PDCL3: variants seen among roughly 807,000 people sequenced by gnomAD.
PDCL3 encodes phosducin-like protein 3.
A neutral mutation model predicts 26.5 loss-of-function variants in PDCL3; 22 were observed. The observed-to-expected ratio is 0.83, with a 90% CI of 0.59 to 1.19. PDCL3 has a LOEUF of 1.19. PDCL3 is among the 50% of genes most tolerant of loss of function. PDCL3 has a pLI of 0.00. For missense variants in PDCL3, 246 were observed against 294.1 expected (o/e 0.84, Z 1.20); for synonymous variants, 81 against 104.9 (o/e 0.77, Z 1.39).
chr2:100,576,669 C>T lies in PDCL3; in HGVS notation c.*173C>T. On this transcript the variant is annotated 3_prime_UTR_variant, in exon 6 of 6. Transcript: ENST00000264254. ...GGAGATTCTGTTAAATATTTTGGAA[C>T]TCTTTTTTTTTTTAAATTATAGTAT... The T allele has an allele frequency of 1.5e-6, 1 of 645,828 alleles. No individual in the cohort carries two copies. Among genetic ancestry groups the T allele is most frequent in the Non-Finnish European group, 2.0e-6 (1 of 506,622 alleles). The allele number at this position is 645,828 out of a possible 1,614,324, so 40.0% of individuals were successfully genotyped here.
chr2:100,573,379 A>G (rs888052722), intron 5 of PDCL3, among the ~76,000 whole-genome samples: 1 of 152,022 alleles, frequency 6.6e-6, no homozygotes, highest in Non-Finnish European at 1.5e-5. Flanking sequence ...TACCACTAAG[A>G]TACTCATCTG....
intron 1 of PDCL3, 199 bp downstream of exon 1, chr2:100,563,272 C>A: frequency 1.8e-6 from 1 of 548,942 alleles, no homozygotes; most frequent in South Asian, 3.4e-5. Context: ...TGGGCGTCCC[C>A]GCCTCGGTGT....
rs1235192440 is a variant in PDCL3 at position 100,569,097 on chromosome 2, A to G, written c.224+76A>G. On this transcript the variant is annotated intron_variant, in intron 3 of 5. Coordinates refer to ENST00000264254, the MANE Select transcript of PDCL3 (RefSeq NM_024065.5). ...TTTTGGTTTTTTTTTTGGCGTGGCA[A>G]TAAAATGTGTGGGCTGAGCATGGTG... The G allele has an allele frequency of 3.8e-6, 5 of 1,311,628 alleles. No individual in the cohort carries two copies. The African/African-American group carries it at 6.0e-5, about 16-fold the overall frequency. 81.2% of individuals were successfully genotyped at this position (1,311,628 alleles called of 1,614,324 possible). A position where few individuals can be genotyped will look rare whatever the true frequency, so the allele number is the denominator to read the frequency against.
rs1324547752 is a variant in PDCL3 at position 100,566,605 on chromosome 2, C to T, written c.109C>T (p.Gln37Ter). 1 of 1,614,048 alleles carries T rather than the reference C, an allele frequency of 6.2e-7. No homozygotes were observed. Among genetic ancestry groups the T allele is most frequent in the South Asian group, 1.1e-5 (1 of 91,080 alleles). Residue 37 changes from glutamine to a stop codon, truncating the protein, a stop_gained, in exon 2 of 6, where the codon CAG (glutamine) becomes TAG (stop). Transcript: ENST00000264254. LOFTEE classifies it high-confidence loss of function. ...KELEEEAEEEQRILQQSVVKT... is the reference protein window; with the variant it reads ...KELEEEAEEE Reference sequence around the variant, plus strand: ...ATTGGAAGAGGAGGCAGAAGAGGAGCAGCGCATCCTCCAGCAGTCAGTGGG... The same window carrying T: ...ATTGGAAGAGGAGGCAGAAGAGGAGTAGCGCATCCTCCAGCAGTCAGTGGG...
chr2:100,563,093 G>A lies in PDCL3; in HGVS notation c.6+20G>A, dbSNP rs554875440. On this transcript the variant is annotated intron_variant, in intron 1 of 5. Coordinates refer to ENST00000264254, the MANE Select transcript of PDCL3 (RefSeq NM_024065.5). ...ATGCAGGTGAGCTAGGACGGGTCTC[G>A]GGTCTGGGGGCTGCGGCCCGTTCCT... 5 of 1,599,450 alleles carry A rather than the reference G, an allele frequency of 3.1e-6. No individual in the cohort carries two copies. In the South Asian group the frequency reaches 3.4e-5, roughly 11 times the overall value.
At chr2:100,573,792 C>A (rs1426363653) in intron 5 of PDCL3, among the ~76,000 whole-genome samples, 1 of 151,772 alleles carries the variant, frequency 6.6e-6, no homozygotes, top group African/African-American at 2.4e-5. Flanking sequence ...TACAGCATTT[C>A]AAACTAAATA....
At position 100,571,667 on chromosome 2, in the gene PDCL3, C is replaced by T. The variant is rs775722819; in HGVS notation, c.446C>T (p.Ala149Val). ...RKFPDVKFIK[A>V]ISTTCIPNYP... ...TTTCCTGATGTCAAATTTATCAAAG[C>T]CATTTCAACAACCTGCATACCCAAT... is the stretch of plus-strand genomic sequence containing the variant. The change falls in exon 5 of 6, where the codon GCC becomes GTC. Residue 149 changes from alanine (A) to valine (V), a missense_variant. Transcript: ENST00000264254. The T allele has an allele frequency of 4.3e-6, 7 of 1,613,338 alleles. No individual in the cohort carries two copies. In the Admixed American group the frequency reaches 1.2e-4, roughly 27 times the overall value.
chr2:100,569,307 A>C (rs1675121566), intron 3 of PDCL3, among the ~76,000 whole-genome samples: 1 of 152,160 alleles, frequency 6.6e-6, no homozygotes, highest in African/African-American at 2.4e-5. Context: ...CAGTGAGCTG[A>C]GACTGTGCCA....
chr2:100,563,198 C>A (rs1239408594), intron 1 of PDCL3, 125 bp downstream of exon 1: 4 of 1,243,300 alleles, frequency 3.2e-6, no homozygotes, highest in African/African-American at 1.6e-5. Context: ...GGAGGCCCGG[C>A]GCGTCCAGGC....
chr2:100,566,643 C>G lies in PDCL3; in HGVS notation c.133+14C>G, dbSNP rs376920680. The stretch of plus-strand genomic sequence containing the variant: ...AGCAGTCAGTGGGTGAGTTCACTCG[C>G]TTTCCTCTGCACCTGTCTGGGTTAG... On this transcript the variant is annotated intron_variant, in intron 2 of 5. Transcript: ENST00000264254. 7 of 1,613,322 alleles carry G rather than the reference C, an allele frequency of 4.3e-6. No individual in the cohort carries two copies. In the African/African-American group the frequency reaches 9.3e-5, roughly 22 times the overall value.
At chr2:100,571,887 G>A in intron 5 of PDCL3, 89 bp downstream of exon 5, 2 of 1,257,582 alleles carry the variant, frequency 1.6e-6, no homozygotes, top group South Asian at 2.5e-5. Context: ...CTCCTGTTAC[G>A]ATGGTGGGTC....
intron 2 of PDCL3, among the ~76,000 whole-genome samples, chr2:100,567,892 G>A (rs1675088544): frequency 6.7e-6 from 1 of 150,122 alleles, no homozygotes; most frequent in Admixed American, 6.7e-5. Flanking sequence ...GCGCAATCTT[G>A]GCTCACTGCA....
intron 1 of PDCL3, among the ~76,000 whole-genome samples, chr2:100,564,043 C>T (rs914662020): frequency 1.3e-5 from 2 of 151,614 alleles, no homozygotes; most frequent in African/African-American, 4.9e-5. Context: ...TCCGGAGTAG[C>T]TGGGACCACA....
chr2:100,567,884 G>C (rs184198664), intron 2 of PDCL3, among the ~76,000 whole-genome samples: 2 of 151,306 alleles, frequency 1.3e-5, no homozygotes, highest in East Asian at 3.9e-4. Context: ...CTGCAGTGGC[G>C]CAATCTTGGC....
chr2:100,575,086 G>C (rs907780710), intron 5 of PDCL3, among the ~76,000 whole-genome samples: 4 of 152,172 alleles, frequency 2.6e-5, no homozygotes, highest in Non-Finnish European at 5.9e-5. Flanking sequence ...GATGGAGTGA[G>C]AGCCTGTCTC....
chr2:100,569,018 A>G lies in PDCL3; in HGVS notation c.221A>G (p.Tyr74Cys), dbSNP rs1173784746. The change falls in exon 3 of 6, where the codon TAC (tyrosine) becomes TGC (cysteine). Residue 74 changes from tyrosine (Y) to cysteine (C), a missense_variant. Tyr to Cys is a radical substitution (Grantham distance 194). Coordinates refer to ENST00000264254, the MANE Select transcript of PDCL3 (RefSeq NM_024065.5). ...NEEDERAIEM[Y>C]RRRRLAEWKA... ...GAGGATGAACGTGCTATTGAAATGTACAGGTAAGCGCCACCCAGAGGGGCT... is the reference window on the plus strand; with the variant it reads ...GAGGATGAACGTGCTATTGAAATGTGCAGGTAAGCGCCACCCAGAGGGGCT... The G allele has an allele frequency of 2.5e-6, 4 of 1,613,578 alleles. No homozygotes were observed. In the African/African-American group the frequency reaches 4.0e-5, roughly 16 times the overall value.
chr2:100,573,171 C>G (rs971251288), intron 5 of PDCL3, among the ~76,000 whole-genome samples: 5 of 152,026 alleles, frequency 3.3e-5, no homozygotes, highest in African/African-American at 4.8e-5. Flanking sequence ...ATGTGAGCCA[C>G]CGCGCCCGGC....
At chr2:100,575,454 G>T (rs377280232) in intron 5 of PDCL3, among the ~76,000 whole-genome samples, 1 of 152,166 alleles carries the variant, frequency 6.6e-6, no homozygotes, top group Non-Finnish European at 1.5e-5. Context: ...GATTTTAATC[G>T]ATGTGTCCAG....
At chr2:100,572,931 C>T (rs977184045) in intron 5 of PDCL3, among the ~76,000 whole-genome samples, 2 of 152,106 alleles carry the variant, frequency 1.3e-5, no homozygotes, top group African/African-American at 4.8e-5. Context: ...TTCGCTCAGG[C>T]TGGAGTGCAG....
Sources: allele counts gnomAD v4.1 joint callset (sites outside exome capture counted in the v4.1 genomes callset), GRCh38; gene constraint gnomAD v4.1.1; transcripts MANE v1.5; gene names NCBI Gene and HGNC (gene_info 2026-07-23, HGNC 2026-07-21).